C5orf24: variants seen among roughly 807,000 people sequenced by gnomAD.
C5orf24 encodes the protein UPF0461 protein C5orf24.
C5orf24 carries 4 observed loss-of-function variants against 9.8 expected under a neutral mutation model. That is an observed-to-expected ratio of 0.41 (90% CI 0.20 to 0.93). The LOEUF (loss-of-function observed/expected upper bound fraction) is 0.93. Ranked by LOEUF, C5orf24 falls within the 40% of genes least tolerant of loss-of-function variation. C5orf24 has a pLI of 0.33. For synonymous variants in C5orf24, 73 were observed against 81.3 expected, an observed-to-expected ratio of 0.90 and a Z score of 0.55; for missense variants, 170 against 236.9, an observed-to-expected ratio of 0.72 and a Z score of 1.85.
chr5:134,854,415 A>G (rs1034556000), intron 1 of C5orf24, among the ~76,000 whole-genome samples: 2 of 152,242 alleles, frequency 1.3e-5, no homozygotes, highest in African/African-American at 4.8e-5. Context: ...TGGAGTGTCC[A>G]TCTTGTGGAA....
rs1756304495 is a variant in C5orf24 at position 134,856,151 on chromosome 5, A to G, written c.*684A>G. 2 of 998,426 alleles carry G rather than the reference A, an allele frequency of 2.0e-6. No homozygotes were observed. Among genetic ancestry groups the G allele is most frequent in the East Asian group, 1.1e-4 (1 of 8,804 alleles). The allele number at this position is 998,426 out of a possible 1,614,324, so 61.8% of individuals were successfully genotyped here. On this transcript the variant is annotated 3_prime_UTR_variant, in exon 2 of 2. Coordinates refer to ENST00000394976, the MANE Select transcript of C5orf24 (RefSeq NM_001135586.1). The stretch of plus-strand genomic sequence containing the variant: ...ATTTTTTAATTGCCTAAGAGCATAT[A>G]TACCAAACACTACAAACAATTCATA...
chr5:134,837,662 A>G, the C5orf24 span, among the ~76,000 whole-genome samples: 3 of 151,302 alleles, frequency 2.0e-5, no homozygotes, highest in African/African-American at 4.9e-5. Flanking sequence ...ATGTGAGAAC[A>G]TAGCAAAAAA....
In C5orf24 at chr5:134,858,498, G is replaced by A; in HGVS notation, c.*3031G>A. The A allele has an allele frequency of 6.0e-6, 1 of 167,058 alleles. No individual in the cohort carries two copies. 10.3% of individuals were successfully genotyped at this position (167,058 alleles called of 1,614,324 possible). A position where few individuals can be genotyped will look rare whatever the true frequency, so the allele number is the denominator to read the frequency against. Reference sequence around the variant, plus strand: ...ACTGGCCTTTTCTCCCCCACTGTATGATTGTTTCTTGAAAGGTAAATTGCT... The same window carrying A: ...ACTGGCCTTTTCTCCCCCACTGTATAATTGTTTCTTGAAAGGTAAATTGCT... On this transcript the variant is annotated 3_prime_UTR_variant, in exon 2 of 2. Coordinates refer to ENST00000394976, the MANE Select transcript of C5orf24 (RefSeq NM_001135586.1).
the C5orf24 span, among the ~76,000 whole-genome samples, chr5:134,840,094 G>T: frequency 2.7e-4 from 41 of 152,194 alleles, no homozygotes; most frequent in Non-Finnish European, 4.0e-4. Context: ...GGATCATGAG[G>T]TCAGGAGATC....
In C5orf24 at chr5:134,857,578, A is replaced by G. The variant is rs559805106; in HGVS notation, c.*2111A>G. ...AACATTCTGGCAGCTAAATTGCTAC[A>G]AGAGCTTTTTCTTGCAAAAGCTTAA... On this transcript the variant is annotated 3_prime_UTR_variant, in exon 2 of 2. Transcript: ENST00000394976. The G allele has an allele frequency of 1.6e-5, 12 of 770,846 alleles. No individual in the cohort carries two copies. The African/African-American group carries it at 2.0e-4, about 13-fold the overall frequency. 47.8% of individuals were successfully genotyped at this position (770,846 alleles called of 1,614,324 possible).
chr5:134,849,088 C>T (rs1261805002), intron 1 of C5orf24, among the ~76,000 whole-genome samples: 1 of 150,526 alleles, frequency 6.6e-6, no homozygotes, highest in African/African-American at 2.4e-5. Flanking sequence ...AACCCCATCT[C>T]TACTAAATAT....
At chr5:134,851,974 C>T (rs1280310844) in intron 1 of C5orf24, among the ~76,000 whole-genome samples, 1 of 152,190 alleles carries the variant, frequency 6.6e-6, no homozygotes, top group East Asian at 1.9e-4. Context: ...CGGAGTCTTG[C>T]TTGTCACTCA....
chr5:134,858,657 CTTAT>C lies in C5orf24; in HGVS notation c.*3196_*3199del, dbSNP rs1213639529. On this transcript the variant is annotated 3_prime_UTR_variant, in exon 2 of 2. Transcript: ENST00000394976. ...TTCTTTAAAAAGTACTTTAACATGC[CTTAT>C]TTATTATATTAGCAAATGAGCTAAT... 3 of 166,692 alleles carry C rather than the reference CTTAT, an allele frequency of 1.8e-5. No individual in the cohort carries two copies. Among genetic ancestry groups the C allele is most frequent in the Admixed American group, 6.6e-5 (1 of 15,244 alleles). 10.3% of individuals were successfully genotyped at this position (166,692 alleles called of 1,614,324 possible).
upstream of C5orf24, among the ~76,000 whole-genome samples, chr5:134,843,482 G>A (rs559592877): frequency 6.6e-5 from 10 of 152,270 alleles, no homozygotes; most frequent in South Asian, 1.0e-3. Flanking sequence ...CATCCAGGCT[G>A]GAGTGCAGTG....
chr5:134,835,406 T>C, the C5orf24 span, among the ~76,000 whole-genome samples: 836 of 152,192 alleles, frequency 5.5e-3, 4 homozygotes, highest in Middle Eastern at 0.041. Context: ...TCCCAACACT[T>C]TGGGAGGCCG....
chr5:134,842,496 A>C (rs1290239075), upstream of C5orf24, among the ~76,000 whole-genome samples: 2 of 146,252 alleles, frequency 1.4e-5, no homozygotes, highest in Admixed American at 6.8e-5. Context: ...CTCCATCTGA[A>C]AAAAAAAAAA....
rs1051825641 is a variant in C5orf24 at position 134,858,685 on chromosome 5, A to G, written c.*3218A>G. On this transcript the variant is annotated 3_prime_UTR_variant, in exon 2 of 2. Coordinates refer to ENST00000394976, the MANE Select transcript of C5orf24 (RefSeq NM_001135586.1). ...ATTTATTATATTAGCAAATGAGCTAATAACAGATGAAATTTTCATTTTTTG... is the reference window on the plus strand; with the variant it reads ...ATTTATTATATTAGCAAATGAGCTAGTAACAGATGAAATTTTCATTTTTTG... 2.4e-5 allele frequency: 4 copies of G among 167,028 alleles called. No homozygotes were observed. Among genetic ancestry groups the G allele is most frequent in the Non-Finnish European group, 5.9e-5 (4 of 68,082 alleles). The allele number at this position is 167,028 out of a possible 1,614,324, so 10.3% of individuals were successfully genotyped here.
Position 134,856,694 on chromosome 5 carries a change from G to A in C5orf24, c.*1227G>A, listed in dbSNP as rs1756323478. 37 of 933,876 alleles carry A rather than the reference G, an allele frequency of 4.0e-5. No homozygotes were observed. Among genetic ancestry groups the A allele is most frequent in the Non-Finnish European group, 3.8e-5 (29 of 770,088 alleles). The allele number at this position is 933,876 out of a possible 1,614,324, so 57.8% of individuals were successfully genotyped here. On this transcript the variant is annotated 3_prime_UTR_variant, in exon 2 of 2. Transcript: ENST00000394976. Reference sequence around the variant, plus strand: ...AAATAAATAAATAAAACCATTTATTGATGTTGCTCATTTATTTGGAACGTT... The same window carrying A: ...AAATAAATAAATAAAACCATTTATTAATGTTGCTCATTTATTTGGAACGTT...
At position 134,852,265 on chromosome 5, in the gene C5orf24, G is replaced by A. The variant is rs190291651; in HGVS notation, c.-3-2633G>A. Among the ~76,000 whole-genome samples, 496 of 152,192 alleles carry A rather than the reference G, an allele frequency of 3.3e-3. 4 individuals are homozygous for A. The highest frequency in any genetic ancestry group is 0.027 in the Middle Eastern group (8 of 294). On this transcript the variant is annotated intron_variant, in intron 1 of 1. Coordinates refer to ENST00000394976, the MANE Select transcript of C5orf24 (RefSeq NM_001135586.1). ...AATAATCTAGTTCTTGTATCTGTGG[G>A]GAATGAGTGAAAAAATTATTCCACT...
the C5orf24 span, among the ~76,000 whole-genome samples, chr5:134,840,488 C>T: frequency 6.6e-6 from 1 of 151,920 alleles, no homozygotes; most frequent in Non-Finnish European, 1.5e-5. Flanking sequence ...GGTCCTCCCT[C>T]CTTAGCCTCT....
chr5:134,840,519 C>T, the C5orf24 span, among the ~76,000 whole-genome samples: 4 of 152,042 alleles, frequency 2.6e-5, no homozygotes, highest in East Asian at 3.9e-4. Flanking sequence ...GGATTTCACA[C>T]GTGAACTACC....
At chr5:134,845,298 G>A (rs1415753478), upstream of C5orf24, among the ~76,000 whole-genome samples, 1 of 152,206 alleles carries the variant, frequency 6.6e-6, no homozygotes, top group East Asian at 1.9e-4. Context: ...AAAAGGGCAA[G>A]CATCCTCCTC....
At chr5:134,841,215 T>TA (rs1755888116), upstream of C5orf24, among the ~76,000 whole-genome samples, 1 of 152,198 alleles carries the variant, frequency 6.6e-6, no homozygotes, top group African/African-American at 2.4e-5. Flanking sequence ...TCATCAGAGG[T>TA]AAAAATAACG....
chr5:134,846,301 GCCT>G (rs1034718126), intron 1 of C5orf24, 89 bp downstream of exon 1: 1 of 152,468 alleles, frequency 6.6e-6, no homozygotes, highest in African/African-American at 2.4e-5. Flanking sequence ...GGGAGAAGAG[GCCT>G]CCTGCCAAGG....
Sources: gnomAD v4.1 joint callset for allele counts (sites outside exome capture counted in the v4.1 genomes callset) on GRCh38, gnomAD v4.1.1 for gene constraint, MANE v1.5 for transcripts, NCBI Gene and HGNC (gene_info 2026-07-23, HGNC 2026-07-21) for gene names.